The following VPS13A variants were observed in gnomAD, a reference collection of about 807,000 sequenced individuals.
VPS13A encodes the protein vacuolar protein sorting 13 homolog A, also known as intermembrane lipid transfer protein VPS13A.
A neutral mutation model predicts 390.9 loss-of-function variants in VPS13A; 264 were observed. The ratio of observed to expected loss-of-function variants is 0.68; its 90% confidence interval spans 0.61 to 0.75. The LOEUF (loss-of-function observed/expected upper bound fraction) is 0.75. VPS13A is among the 30% of genes least tolerant of loss of function. The pLI is 0.00. For synonymous variants in VPS13A, 1,231 were observed against 1,227.1 expected (o/e 1.00, Z -0.07); for missense variants, 3,409 against 3,733.9 (o/e 0.91, Z 2.27).
intron 33 of VPS13A, among the ~76,000 whole-genome samples, chr9:77,296,108 C>CT (rs1409983792): frequency 1.3e-5 from 2 of 152,014 alleles, no homozygotes; most frequent in Admixed American, 6.6e-5. Context: ...TATATTTGTG[C>CT]TTTTTTGTGG....
intron 1 of VPS13A, among the ~76,000 whole-genome samples, chr9:77,184,574 G>A (rs112715476): frequency 2.6e-5 from 4 of 152,200 alleles, no homozygotes; most frequent in African/African-American, 7.2e-5. Flanking sequence ...AGCCGAGATC[G>A]TGCTACTGCA....
At chr9:77,304,778 T>C (rs552161294) in intron 34 of VPS13A, among the ~76,000 whole-genome samples, 1 of 152,344 alleles carries the variant, frequency 6.6e-6, no homozygotes, top group Admixed American at 6.5e-5. Context: ...AAGTGTGTCA[T>C]AGGCTTTGCT....
At position 77,357,660 on chromosome 9, in the gene VPS13A, A is replaced by G. The variant is rs758022256; in HGVS notation, c.7807-32A>G. 8.1e-6 allele frequency: 13 copies of G among 1,606,428 alleles called. No homozygotes were observed. In the South Asian group the frequency reaches 1.3e-4, roughly 16 times the overall value. On this transcript the variant is annotated intron_variant, in intron 55 of 71. Coordinates refer to ENST00000360280, the MANE Select transcript of VPS13A (RefSeq NM_033305.3). ...AATTCTAGTCATTTATAGATAAATTAATTTTTTCATTTGGGGGGACATATT... is the reference window on the plus strand; with the variant it reads ...AATTCTAGTCATTTATAGATAAATTGATTTTTTCATTTGGGGGGACATATT...
chr9:77,182,582 A>G (rs965733491), intron 1 of VPS13A, among the ~76,000 whole-genome samples: 12 of 152,224 alleles, frequency 7.9e-5, no homozygotes, highest in Non-Finnish European at 1.6e-4. Flanking sequence ...CATTAAGGGG[A>G]AAAGTATTAG....
At position 77,283,468 on chromosome 9, in the gene VPS13A, G is replaced by T. The variant is rs1827161118; in HGVS notation, c.3232G>T (p.Glu1078Ter). Residue 1078 changes from glutamate (E) to a stop codon, truncating the protein, a stop_gained, in exon 30 of 72, where the codon GAA becomes TAA. Coordinates refer to ENST00000360280, the MANE Select transcript of VPS13A (RefSeq NM_033305.3). LOFTEE classifies it high-confidence loss of function. ...ATGTAACATTTCTGAAATTAAGATT[G>T]AAGGTAATAAAATTTCACAAAAAGC... ...QKCNISEIKIEGLDSEMIMRP... is the reference protein window; with the variant it reads ...QKCNISEIKI 6.3e-7 allele frequency: 1 copy of T among 1,599,404 alleles called. No homozygotes were observed. The highest frequency in any genetic ancestry group is 1.7e-5 in the Admixed American group (1 of 59,892).
At chr9:77,390,613 T>C (rs1287728529) in intron 68 of VPS13A, among the ~76,000 whole-genome samples, 1 of 152,006 alleles carries the variant, frequency 6.6e-6, no homozygotes, top group Non-Finnish European at 1.5e-5. Context: ...GTGTAAAATT[T>C]ATTCATTTCC....
chr9:77,235,187 T>C (rs1398541376), intron 17 of VPS13A, among the ~76,000 whole-genome samples: 1 of 152,222 alleles, frequency 6.6e-6, no homozygotes, highest in East Asian at 1.9e-4. Flanking sequence ...TATCCTGTCA[T>C]TGCAGTCTTT....
In VPS13A at chr9:77,339,827, C is replaced by A. The variant is rs139115188; in HGVS notation, c.6690C>A (p.Asp2230Glu). ...GCCGCATGTTACAGTACAAAGCAGA[C>A]GGAATTCATCGAAAGCATCCACCTA... is the stretch of plus-strand genomic sequence containing the variant. ...KTGRMLQYKA[D>E]GIHRKHPPNY... The change falls in exon 48 of 72, where the codon GAC (aspartate) becomes GAA (glutamate). Residue 2230 changes from aspartate (D) to glutamate (E), a missense_variant. Coordinates refer to ENST00000360280, the MANE Select transcript of VPS13A (RefSeq NM_033305.3). 1.2e-6 allele frequency: 2 copies of A among 1,613,806 alleles called. No individual in the cohort carries two copies. Among genetic ancestry groups the A allele is most frequent in the African/African-American group, 2.7e-5 (2 of 74,904 alleles).
intron 68 of VPS13A, among the ~76,000 whole-genome samples, chr9:77,398,548 G>GT (rs1834215640): frequency 6.6e-6 from 1 of 152,116 alleles, no homozygotes; most frequent in African/African-American, 2.4e-5. Flanking sequence ...CAAAAATGAT[G>GT]TTTTGAGTAG....
intron 23 of VPS13A, among the ~76,000 whole-genome samples, chr9:77,270,543 T>G (rs750292394): frequency 6.6e-6 from 1 of 152,104 alleles, no homozygotes; most frequent in Admixed American, 6.6e-5. Context: ...ATATAAAAAT[T>G]AGCTGGGTGT....
Position 77,225,939 on chromosome 9 carries a change from C to A in VPS13A, c.1175C>A (p.Thr392Asn). The change falls in exon 14 of 72, where the codon ACC becomes AAC. Residue 392 changes from threonine to asparagine, a missense_variant. Coordinates refer to ENST00000360280, the MANE Select transcript of VPS13A (RefSeq NM_033305.3). ...TATATTTTTCAGGAGTTGGAAAAAA[C>A]CTTGGATGTCTTTAATATAACTATA... ...LLVSLEELEK[T>N]LDVFNITIAR... 1 of 1,611,518 alleles carries A rather than the reference C, an allele frequency of 6.2e-7. No homozygotes were observed. The highest frequency in any genetic ancestry group is 1.3e-5 in the African/African-American group (1 of 74,886).
chr9:77,209,276 A>G (rs557145575), intron 5 of VPS13A, 147 bp from the exon 6 acceptor site: 31 of 622,172 alleles, frequency 5.0e-5, no homozygotes, highest in African/African-American at 4.4e-4. Context: ...TGCTTTTGAA[A>G]GACTTTTGGA....
rs11145384 is a variant in VPS13A, at chr9:77,317,822, G to A, written c.4956+124G>A. 114,351 of 575,790 alleles carry A rather than the reference G, an allele frequency of 0.2. 12,994 individuals are homozygous for A. The highest frequency in any genetic ancestry group is 0.35 in the East Asian group (10,809 of 30,746). The allele number at this position is 575,790 out of a possible 1,614,324, so 35.7% of individuals were successfully genotyped here. On this transcript the variant is annotated intron_variant, in intron 40 of 71. Transcript: ENST00000360280. The stretch of plus-strand genomic sequence containing the variant: ...AAAATAGGTGTGTTTTTGAAAATAC[G>A]TTTTTATGAGATATTTACAAAGTAA...
At chr9:77,241,086 C>A (rs1587399910) in intron 19 of VPS13A, among the ~76,000 whole-genome samples, 1 of 152,062 alleles carries the variant, frequency 6.6e-6, no homozygotes, top group Non-Finnish European at 1.5e-5. Flanking sequence ...TCTAGAAAAT[C>A]TATCTGGAAA....
At chr9:77,285,711 T>G (rs546592347) in intron 31 of VPS13A, among the ~76,000 whole-genome samples, 41 of 152,326 alleles carry the variant, frequency 2.7e-4, no homozygotes, top group Admixed American at 3.9e-4. Flanking sequence ...CTTAAATGTT[T>G]GATGGAATTA....
intron 22 of VPS13A, among the ~76,000 whole-genome samples, chr9:77,256,013 A>T (rs1298276451): frequency 2.0e-5 from 3 of 149,174 alleles, no homozygotes; most frequent in Admixed American, 6.7e-5. Flanking sequence ...CATCTTTGTT[A>T]TTTTTTTTAT....
At position 77,419,996 on chromosome 9, in the gene VPS13A, A is replaced by AACTT. The variant is rs1318855900; in HGVS notation, c.*3993_*3996dup. The AACTT allele has an allele frequency of 1.3e-5, 2 of 152,242 alleles. No individual in the cohort carries two copies. Among genetic ancestry groups the AACTT allele is most frequent in the African/African-American group, 4.8e-5 (2 of 41,466 alleles). 9.4% of individuals were successfully genotyped at this position (152,242 alleles called of 1,614,324 possible). A position where few individuals can be genotyped will look rare whatever the true frequency, so the allele number is the denominator to read the frequency against. On this transcript the variant is annotated 3_prime_UTR_variant, in exon 72 of 72. Transcript: ENST00000360280. ...TAAGATCCAAGTAGAAAATGTAAAT[A>AACTT]ACTTACATTCTGTATGCAGGACTCA... is the stretch of plus-strand genomic sequence containing the variant.
intron 68 of VPS13A, among the ~76,000 whole-genome samples, chr9:77,398,259 T>G (rs1274044383): frequency 1.3e-5 from 2 of 152,188 alleles, no homozygotes; most frequent in East Asian, 3.8e-4. Context: ...AAAGTATGAC[T>G]GATACCATGA....
intron 22 of VPS13A, among the ~76,000 whole-genome samples, chr9:77,253,926 G>A (rs893548776): frequency 3.4e-5 from 5 of 148,218 alleles, no homozygotes; most frequent in Non-Finnish European, 5.9e-5. Flanking sequence ...GATAAGGACC[G>A]GCCTTTATTC....
Sources: allele counts gnomAD v4.1 joint callset (sites outside exome capture counted in the v4.1 genomes callset), GRCh38; gene constraint gnomAD v4.1.1; transcripts MANE v1.5; gene names NCBI Gene and HGNC (gene_info 2026-07-23, HGNC 2026-07-21).